Variants in ACYP2 observed in about 807,000 individuals in gnomAD.
ACYP2 encodes the protein acylphosphatase-2.
In ACYP2, 12 loss-of-function variants were observed where a neutral mutation model predicts 11.2. The ratio of observed to expected loss-of-function variants is 1.08; its 90% CI spans 0.69 to 1.74. The LOEUF (loss-of-function observed/expected upper bound fraction) is 1.74. ACYP2 is among the 40% of genes most tolerant of loss of function. The pLI is 0.00. For synonymous variants in ACYP2, 43 were observed against 32.2 expected, an observed-to-expected ratio of 1.33 and a Z score of -1.13; for missense variants, 134 against 101.9, an observed-to-expected ratio of 1.31 and a Z score of -1.35.
rs532517109 is a variant in ACYP2, at chr2:53,972,265, G to A, written c.-37+944G>A. On this transcript the variant is annotated intron_variant, in intron 1 of 6. Transcript: ENST00000607452. ...GCGGAGGTTGCAGTGAGCCAAGATC[G>A]CGCCAGGGCACTCCAGCCTGGGCAA... is the stretch of plus-strand genomic sequence containing the variant. 6.0e-5 allele frequency among the ~76,000 whole-genome samples: 9 copies of A among 149,490 alleles called. No homozygotes were observed. In the East Asian group the frequency reaches 1.2e-3, roughly 20 times the overall value.
intron 2 of ACYP2, among the ~76,000 whole-genome samples, chr2:54,017,258 T>G (rs911237350): frequency 7.3e-4 from 87 of 118,396 alleles, no homozygotes; most frequent in Non-Finnish European, 1.1e-3. Flanking sequence ...GTTAAGTTTC[T>G]TTTCTTTTCT....
chr2:54,096,450 T>C (rs1387867720), intron 4 of ACYP2, among the ~76,000 whole-genome samples: 3 of 151,926 alleles, frequency 2.0e-5, no homozygotes, highest in Admixed American at 6.6e-5. Context: ...GCAGAGGCTG[T>C]ACTCTCGGCA....
chr2:54,083,073 CA>C (rs11324402), intron 4 of ACYP2, among the ~76,000 whole-genome samples: 82,162 of 140,088 alleles, frequency 0.59, 23,053 homozygotes, highest in East Asian at 0.72. Context: ...GACTCTGTCT[CA>C]AAAAAAAAAA....
intron 6 of ACYP2, among the ~76,000 whole-genome samples, chr2:54,186,442 C>T (rs1393127292): frequency 6.6e-6 from 1 of 152,038 alleles, no homozygotes. Context: ...TATAATTACA[C>T]GTATAGAAAT....
At chr2:54,032,973 C>A (rs564676984) in intron 2 of ACYP2, among the ~76,000 whole-genome samples, 11 of 152,128 alleles carry the variant, frequency 7.2e-5, no homozygotes, top group Non-Finnish European at 1.6e-4. Context: ...GAGTTCCAGG[C>A]AGAGAAAGTG....
At chr2:54,063,223 C>T (rs553789046) in intron 4 of ACYP2, among the ~76,000 whole-genome samples, 22 of 152,064 alleles carry the variant, frequency 1.4e-4, no homozygotes, top group African/African-American at 4.8e-4. Context: ...TGGGTTCAAG[C>T]GATTTGGCTG....
intron 6 of ACYP2, among the ~76,000 whole-genome samples, chr2:54,232,905 G>A (rs6747753): frequency 0.018 from 2,720 of 152,166 alleles, 92 homozygotes; most frequent in African/African-American, 0.061. Context: ...ATTACAATTC[G>A]AGATGAGATT....
chr2:54,040,590 G>A (rs952888027), intron 2 of ACYP2, among the ~76,000 whole-genome samples: 5 of 152,154 alleles, frequency 3.3e-5, no homozygotes, highest in Non-Finnish European at 7.4e-5. Context: ...ATAGAAGACT[G>A]ATAATGAGCA....
At chr2:54,155,560 A>G (rs1031353223) in intron 6 of ACYP2, among the ~76,000 whole-genome samples, 6 of 152,184 alleles carry the variant, frequency 3.9e-5, no homozygotes, top group Non-Finnish European at 8.8e-5. Flanking sequence ...TGAACTGCGC[A>G]TGCGAGGGAT....
chr2:54,052,040 C>T (rs1402778645), intron 3 of ACYP2, among the ~76,000 whole-genome samples: 4 of 103,486 alleles, frequency 3.9e-5, no homozygotes, highest in African/African-American at 7.6e-5. Context: ...GAGCAAGACT[C>T]TGTCTCAATA....
intron 6 of ACYP2, among the ~76,000 whole-genome samples, chr2:54,222,760 C>G (rs1685852839): frequency 6.6e-6 from 1 of 152,130 alleles, no homozygotes; most frequent in African/African-American, 2.4e-5. Context: ...CCCGGCCTTA[C>G]AGTCATGTGG....
At chr2:54,167,066 T>G (rs1683010856) in intron 6 of ACYP2, 2 of 152,006 alleles carry the variant, frequency 1.3e-5, no homozygotes, top group Non-Finnish European at 2.9e-5. Flanking sequence ...AAGCTACTGG[T>G]AATCCATAGG....
intron 6 of ACYP2, among the ~76,000 whole-genome samples, chr2:54,299,774 A>T (rs1689654358): frequency 6.6e-6 from 1 of 152,000 alleles, no homozygotes; most frequent in Non-Finnish European, 1.5e-5. Context: ...CTGCTGAAAA[A>T]AACTCTGGCC....
intron 6 of ACYP2, among the ~76,000 whole-genome samples, chr2:54,155,199 C>T: frequency 6.6e-6 from 1 of 151,802 alleles, no homozygotes; most frequent in Admixed American, 6.6e-5. Context: ...TCTAGGTTAA[C>T]CTAACTGTAG....
At chr2:54,235,410 G>A (rs192787129) in intron 6 of ACYP2, among the ~76,000 whole-genome samples, 16 of 152,100 alleles carry the variant, frequency 1.1e-4, no homozygotes, top group Admixed American at 2.6e-4. Flanking sequence ...GTCCAGTGGC[G>A]CAATCTCGGC....
At chr2:54,017,868 T>A (rs955571379) in intron 2 of ACYP2, among the ~76,000 whole-genome samples, 4 of 152,062 alleles carry the variant, frequency 2.6e-5, no homozygotes, top group Non-Finnish European at 5.9e-5. Flanking sequence ...TTGTTGTATT[T>A]AAAAATTTTT....
chr2:54,256,260 A>T (rs1253743735), intron 6 of ACYP2: 1 of 1,302,512 alleles, frequency 7.7e-7, no homozygotes, highest in Admixed American at 2.3e-5. Flanking sequence ...TGCGCCGCCC[A>T]CTCTTCAGTC....
chr2:54,291,317 T>G (rs1173747066), intron 6 of ACYP2, among the ~76,000 whole-genome samples: 1 of 152,214 alleles, frequency 6.6e-6, no homozygotes, highest in East Asian at 1.9e-4. Context: ...GTTGGGATGC[T>G]GTTCTAGTGC....
chr2:54,072,519 C>CTTTCTTTCCTCTTTCTTCT (rs1677112245), intron 4 of ACYP2, among the ~76,000 whole-genome samples: 3 of 134,928 alleles, frequency 2.2e-5, no homozygotes, highest in East Asian at 2.1e-4. Flanking sequence ...CTCTTTCTTT[C>CTTTCTTTCCTCTTTCTTCT]TTCTTTCTTT....
Sources: gnomAD v4.1 joint callset for allele counts (sites outside exome capture counted in the v4.1 genomes callset) on GRCh38, gnomAD v4.1.1 for gene constraint, MANE v1.5 for transcripts, NCBI Gene and HGNC (gene_info 2026-07-23, HGNC 2026-07-21) for gene names.